The following POU5F1 variants were observed in gnomAD, a reference collection of about 807,000 sequenced individuals.
POU5F1 encodes the protein POU domain, class 5, transcription factor 1.
POU5F1 carries 6 observed loss-of-function variants against 38.3 expected under a neutral mutation model. The ratio of observed to expected loss-of-function variants is 0.16; its 90% CI spans 0.09 to 0.31. The LOEUF is 0.31. Ranked by LOEUF, POU5F1 falls within the 10% of genes least tolerant of loss-of-function variation. The pLI is 1.00. For missense variants in POU5F1, 286 were observed against 462.6 expected (o/e 0.62, Z 3.50); for synonymous variants, 147 against 194.9 (o/e 0.75, Z 2.05).
At position 31,170,439 on chromosome 6, in the gene POU5F1, G is replaced by A; in HGVS notation, c.182C>T (p.Pro61Leu). ...GAACTCATACGGCGGGGGGCATGGG[G>A]GAATCCCCCACACCTCAGAGCCTGG... ...VGPGSEVWGI[P>L]PCPPPYEFCG... The change falls in exon 1 of 5, where the codon CCC (proline) becomes CTC (leucine). Residue 61 changes from proline (P) to leucine (L), a missense_variant. This residue lies in a region of POU5F1 where 176 missense variants were observed against 184.8 expected (regional missense o/e 0.95). Coordinates refer to ENST00000259915, the MANE Select transcript of POU5F1 (RefSeq NM_002701.6). 1 of 1,611,134 alleles carries A rather than the reference G, an allele frequency of 6.2e-7. No homozygotes were observed. The highest frequency in any genetic ancestry group is 8.5e-7 in the Non-Finnish European group (1 of 1,179,388).
intron 1 of POU5F1, chr6:31,166,277 C>G: frequency 6.5e-7 from 1 of 1,531,338 alleles, no homozygotes; most frequent in Non-Finnish European, 8.8e-7. Context: ...ACTCTTCCCC[C>G]AGAAACTGGC....
In POU5F1 at chr6:31,165,044, G is replaced by A; in HGVS notation, c.816+84C>T. 6.4e-7 allele frequency: 1 copy of A among 1,561,348 alleles called. No homozygotes were observed. The highest frequency in any genetic ancestry group is 1.9e-5 in the Admixed American group (1 of 52,198). The stretch of plus-strand genomic sequence containing the variant: ...ATTCTGTCCAAAGCCAACAGCCCTA[G>A]AGCAGTTGGAGGAGCCAGAGCTAGG... On this transcript the variant is annotated intron_variant, in intron 4 of 4. Coordinates refer to ENST00000259915, the MANE Select transcript of POU5F1 (RefSeq NM_002701.6). This position sits in a 1 kb window ranked among gnomAD's most constrained non-coding sequence, Gnocchi z 6.5.
rs769875118 is a variant in POU5F1 at position 31,164,645 on chromosome 6, G to A, written c.1039C>T (p.Pro347Ser). The change falls in exon 5 of 5, where the codon CCT (proline) becomes TCT (serine). Residue 347 changes from proline to serine, a missense_variant. Coordinates refer to ENST00000259915, the MANE Select transcript of POU5F1 (RefSeq NM_002701.6). ...GAGCCCAGAGTGGTGACGGAGACAG[G>A]GGGAAAGGCTTCCCCCTCAGGGAAA... The part of the protein sequence containing the change: ...VPFPEGEAFP[P>S]VSVTTLGSPM... 1.0e-5 allele frequency: 16 copies of A among 1,584,678 alleles called. No homozygotes were observed. The highest frequency in any genetic ancestry group is 1.4e-5 in the Non-Finnish European group (16 of 1,165,512).
At chr6:31,166,298 G>A (rs1561857278) in intron 1 of POU5F1, 1 of 1,517,506 alleles carries the variant, frequency 6.6e-7, no homozygotes, top group Admixed American at 2.0e-5. Context: ...ACATCCAAGG[G>A]ATGCAGAGCA....
rs1777573734 is a variant in POU5F1, at chr6:31,170,374, C to T, written c.247G>A (p.Gly83Arg). 1 of 1,612,596 alleles carries T rather than the reference C, an allele frequency of 6.2e-7. No individual in the cohort carries two copies. The highest frequency in any genetic ancestry group is 1.3e-5 in the African/African-American group (1 of 74,934). The change falls in exon 1 of 5, where the codon GGG becomes AGG. Residue 83 changes from glycine (G) to arginine (R), a missense_variant. Gly to Arg is a moderately radical substitution (Grantham distance 125, BLOSUM62 -2). Around this residue, in one of 2 missense-constraint regions of POU5F1, gnomAD observed 176 missense variants for 184.8 expected, o/e 0.95. Transcript: ENST00000259915. ...TCCAAGCCGCCTTGGGGCACTAGCC[C>T]CACTCCAACCTGGGGCCCACAGTAC... The part of the protein sequence containing the change: ...MAYCGPQVGV[G>R]LVPQGGLETS...
At chr6:31,167,268 GT>G (rs1250285281) in intron 1 of POU5F1, 1 of 271,110 alleles carries the variant, frequency 3.7e-6, no homozygotes, top group African/African-American at 2.3e-5. Context: ...GCTCATGTCT[GT>G]AAATCCTAGC....
intron 1 of POU5F1, among the ~76,000 whole-genome samples, chr6:31,168,433 C>G (rs543960564): frequency 1.3e-5 from 2 of 152,076 alleles, no homozygotes; most frequent in Non-Finnish European, 2.9e-5. Flanking sequence ...TGGGGTTTCG[C>G]CATGTTGGTC....
At chr6:31,166,924 A>G in intron 1 of POU5F1, 1 of 1,267,288 alleles carries the variant, frequency 7.9e-7, no homozygotes, top group Non-Finnish European at 1.0e-6. Context: ...AAGAATGGAT[A>G]AAGTGCTTTG....
chr6:31,166,789 AG>A (rs1198482935), intron 1 of POU5F1: 1 of 1,181,078 alleles, frequency 8.5e-7, no homozygotes, highest in Non-Finnish European at 1.1e-6. Flanking sequence ...TTAATTAAAA[AG>A]GAAGAGCATC....
chr6:31,166,382 T>C (rs1337392829), intron 1 of POU5F1: 3 of 1,396,722 alleles, frequency 2.1e-6, no homozygotes, highest in Middle Eastern at 1.9e-4. Flanking sequence ...AGTTCTTTGC[T>C]GGGCGCGGTG....
At chr6:31,167,073 C>T in intron 1 of POU5F1, 1 of 530,818 alleles carries the variant, frequency 1.9e-6, no homozygotes. Context: ...ACAAAGTGGA[C>T]AAAGAGCCCT....
intron 1 of POU5F1, 86 bp from the exon 2 acceptor site, chr6:31,166,133 C>T (rs748039347): frequency 6.8e-6 from 11 of 1,613,684 alleles, no homozygotes; most frequent in African/African-American, 6.7e-5. Context: ...CAAGAACCTA[C>T]GTGTGGCCCC....
intron 1 of POU5F1, chr6:31,166,561 A>AG: frequency 1.0e-6 from 1 of 969,724 alleles, no homozygotes; most frequent in East Asian, 3.8e-5. Flanking sequence ...CAGGAGGCTG[A>AG]GGCAGGAGAA....
intron 1 of POU5F1, among the ~76,000 whole-genome samples, chr6:31,167,395 T>A (rs3130930): frequency 0.71 from 103,962 of 147,040 alleles, 36,308 homozygotes; most frequent in African/African-American, 0.8. Flanking sequence ...CTATTTAAAA[T>A]ATATATATAT....
rs1777159848 is a variant in POU5F1 at position 31,165,542 on chromosome 6, G to A, written c.657+29C>T. The A allele has an allele frequency of 6.2e-7, 1 of 1,612,536 alleles. No homozygotes were observed. Among genetic ancestry groups the A allele is most frequent in the Non-Finnish European group, 8.5e-7 (1 of 1,179,926 alleles). On this transcript the variant is annotated intron_variant, in intron 3 of 4. Transcript: ENST00000259915. The surrounding 1 kb of genome is among the most constrained non-coding windows in gnomAD (Gnocchi z 6.5). ...TGGAAATTAGGCCAAGAAAGGGAAG[G>A]TCCCCGGGTATCCCCCTCCCACCCT...
At chr6:31,169,196 A>G (rs1394216815) in intron 1 of POU5F1, among the ~76,000 whole-genome samples, 1 of 152,130 alleles carries the variant, frequency 6.6e-6, no homozygotes, top group Admixed American at 6.5e-5. Flanking sequence ...TGAGATAATG[A>G]TGTATAAACG....
At chr6:31,168,747 C>T (rs776420464) in intron 1 of POU5F1, among the ~76,000 whole-genome samples, 6 of 152,034 alleles carry the variant, frequency 3.9e-5, no homozygotes, top group Non-Finnish European at 7.4e-5. Flanking sequence ...GTTCAGGGAG[C>T]CATCACAAGA....
At chr6:31,167,822 A>T (rs139037890) in intron 1 of POU5F1, among the ~76,000 whole-genome samples, 8 of 152,314 alleles carry the variant, frequency 5.3e-5, no homozygotes, top group Admixed American at 4.6e-4. Flanking sequence ...AGCAAAGGAC[A>T]AGAGTCTAAT....
chr6:31,166,705 C>A (rs73401031), intron 1 of POU5F1: 18,320 of 1,169,742 alleles, frequency 0.016, 189 homozygotes, highest in African/African-American at 0.038. Context: ...CTGCAAAATT[C>A]TCTCACTCAA....
Sources: gnomAD v4.1 joint callset for allele counts (sites outside exome capture counted in the v4.1 genomes callset) on GRCh38, gnomAD v4.1.1 for gene constraint, gnomAD v4.1.1 regional missense constraint, Gnocchi (gnomAD v3.1) non-coding constraint, MANE v1.5 for transcripts, NCBI Gene and HGNC (gene_info 2026-07-23, HGNC 2026-07-21) for gene names.